Variants in PFKL observed in about 807,000 individuals in gnomAD.
PFKL encodes ATP-dependent 6-phosphofructokinase, liver type.
In PFKL, 74 loss-of-function variants were observed where a neutral mutation model predicts 92.1. The observed-to-expected ratio is 0.80, with a 90% CI of 0.67 to 0.97. The LOEUF (loss-of-function observed/expected upper bound fraction) is 0.97, where lower values mean the gene tolerates loss of function less well. PFKL is among the 50% of genes least tolerant of loss of function. PFKL has a pLI of 0.00. For missense variants in PFKL, 1,028 were observed against 1,116.6 expected (o/e 0.92, Z 1.13); for synonymous variants, 494 against 456.4 (o/e 1.08, Z -1.05).
chr21:44,303,912 C>T (rs997900684), intron 1 of PFKL, among the ~76,000 whole-genome samples: 17 of 152,022 alleles, frequency 1.1e-4, no homozygotes, highest in Admixed American at 5.9e-4. Flanking sequence ...GACTGCTGCC[C>T]GAGGTTTATT....
rs1157102899 is a variant in PFKL at position 44,321,882 on chromosome 21, C to T, written c.1338+7C>T. On this transcript the variant is annotated splice_region_variant and intron_variant, in intron 13 of 21. Transcript: ENST00000349048. The stretch of plus-strand genomic sequence containing the variant: ...AGGCCTAGCCAAGGGTCAGGTGGGT[C>T]CGGCCGGGGCAAACAAGTGAGGACT... 6.6e-7 allele frequency: 1 copy of T among 1,523,676 alleles called. No individual in the cohort carries two copies. The highest frequency in any genetic ancestry group is 8.8e-7 in the Non-Finnish European group (1 of 1,133,506). The allele number at this position is 1,523,676 out of a possible 1,614,324, so 94.4% of individuals were successfully genotyped here. A position where few individuals can be genotyped will look rare whatever the true frequency, so the allele number is the denominator to read the frequency against.
intron 1 of PFKL, among the ~76,000 whole-genome samples, chr21:44,304,842 C>T (rs1276195414): frequency 6.6e-6 from 1 of 151,952 alleles, no homozygotes; most frequent in Non-Finnish European, 1.5e-5. Context: ...GGGTTCCCGC[C>T]CCAGTTTCAG....
intron 18 of PFKL, 34 bp from the exon 19 acceptor site, chr21:44,325,119 T>C (rs1479400022): frequency 2.0e-6 from 3 of 1,465,824 alleles, no homozygotes; most frequent in Non-Finnish European, 2.9e-6. Context: ...CCTGAACTCG[T>C]TCCCGCCGAC....
In PFKL at chr21:44,320,117, C is replaced by T. The variant is rs769132247; in HGVS notation, c.1161C>T (p.Leu387=). Residue 387 remains leucine, a synonymous_variant, in exon 12 of 22, where the codon CTC becomes CTT. Coordinates refer to ENST00000349048, the MANE Select transcript of PFKL (RefSeq NM_002626.6). ...AGAACAACTGGAACATTTACAAGCT[C>T]CTCGCCCACCAGAAGCCCCCCAAGG... ...SFENNWNIYK[L]LAHQKPPKEK... 3.1e-6 allele frequency: 5 copies of T among 1,613,428 alleles called. No individual in the cohort carries two copies. The African/African-American group carries it at 6.7e-5, about 22-fold the overall frequency.
Position 44,324,491 on chromosome 21 carries a change from A to T in PFKL, c.1651A>T (p.Ser551Cys). The stretch of plus-strand genomic sequence containing the variant: ...CCCCCGACCCCCCCTTGTCCCCCAG[A>T]GCTGTGACCGCATCAAACAGTCTGC... ...SDTAVNAAMESCDRIKQSASG... is the reference protein window; with the variant it reads ...SDTAVNAAMECCDRIKQSASG... Residue 551 changes from serine (S) to cysteine (C), a missense_variant and splice_region_variant, in exon 17 of 22, where the codon AGC becomes TGC. Physicochemically the swap from Ser to Cys is moderately radical, Grantham distance 112. Coordinates refer to ENST00000349048, the MANE Select transcript of PFKL (RefSeq NM_002626.6). 1 of 1,612,934 alleles carries T rather than the reference A, an allele frequency of 6.2e-7. No homozygotes were observed. The highest frequency in any genetic ancestry group is 1.7e-5 in the Admixed American group (1 of 59,968).
chr21:44,323,887 G>T lies in PFKL; in HGVS notation c.1619G>T (p.Gly540Val). 6.2e-7 allele frequency: 1 copy of T among 1,613,532 alleles called. No individual in the cohort carries two copies. The highest frequency in any genetic ancestry group is 8.5e-7 in the Non-Finnish European group (1 of 1,179,950). ...GTCCCTGGCACCGACTTCAGCCTGG[G>T]CTCCGACACTGCTGTAAATGCCGCC... The part of the protein sequence containing the change: ...NNVPGTDFSL[G>V]SDTAVNAAME... The change falls in exon 16 of 22, where the codon GGC becomes GTC. Residue 540 changes from glycine to valine, a missense_variant. Physicochemically the swap from Gly to Val is moderately radical, Grantham distance 109. Coordinates refer to ENST00000349048, the MANE Select transcript of PFKL (RefSeq NM_002626.6).
At chr21:44,319,535 A>G in intron 11 of PFKL, 120 bp downstream of exon 11, 3 of 865,252 alleles carry the variant, frequency 3.5e-6, no homozygotes, top group Non-Finnish European at 5.7e-6. Flanking sequence ...ACCGCGTCTG[A>G]AGATCGAGGG....
Position 44,305,328 on chromosome 21 carries a change from A to T in PFKL, c.86-1353A>T. On this transcript the variant is annotated intron_variant, in intron 1 of 21. Transcript: ENST00000349048. ...CCAAGCTGGAGAGCGGATGAGAAGC[A>T]TGTGTAACCAGGGTAGAGGTCGAGA... 2.2e-6 allele frequency: 3 copies of T among 1,365,840 alleles called. No individual in the cohort carries two copies. In the South Asian group the frequency reaches 3.4e-5, roughly 16 times the overall value. The allele number at this position is 1,365,840 out of a possible 1,614,324, so 84.6% of individuals were successfully genotyped here.
In PFKL at chr21:44,326,003, C is replaced by A; in HGVS notation, c.2032C>A (p.Leu678Met). The A allele has an allele frequency of 6.2e-7, 1 of 1,613,880 alleles. No homozygotes were observed. ...TPFDRNYGTK[L>M]GVKAMLWLSE... ...CTTTGACCGGAACTATGGGACCAAGCTGGGGGTGAAGGCCATGCTGTGGTT... is the reference window on the plus strand; with the variant it reads ...CTTTGACCGGAACTATGGGACCAAGATGGGGGTGAAGGCCATGCTGTGGTT... The change falls in exon 20 of 22, where the codon CTG becomes ATG. Residue 678 changes from leucine (L) to methionine (M), a missense_variant. Coordinates refer to ENST00000349048, the MANE Select transcript of PFKL (RefSeq NM_002626.6).
intron 6 of PFKL, 43 bp downstream of exon 6, chr21:44,313,725 C>T (rs1272053769): frequency 6.3e-7 from 1 of 1,579,978 alleles, no homozygotes; most frequent in Admixed American, 1.8e-5. Context: ...CCGGGTGCTG[C>T]TGGGGACCGC....
intron 9 of PFKL, among the ~76,000 whole-genome samples, chr21:44,317,988 G>A (rs1198360598): frequency 1.3e-5 from 2 of 152,268 alleles, no homozygotes; most frequent in South Asian, 2.1e-4. Flanking sequence ...CACTGTGGCC[G>A]GTTCCCGGGG....
chr21:44,326,139 C>T lies in PFKL; in HGVS notation c.2090-20C>T. 6.2e-7 allele frequency: 1 copy of T among 1,609,430 alleles called. No homozygotes were observed. Among genetic ancestry groups the T allele is most frequent in the Non-Finnish European group, 8.5e-7 (1 of 1,177,412 alleles). ...GGCAGGGCCTCACCATGGAGGGCTG[C>T]CACGTGCCTCTGTTTGCAGGACGGG... On this transcript the variant is annotated intron_variant, in intron 20 of 21. Transcript: ENST00000349048.
At chr21:44,304,551 C>T in intron 1 of PFKL, 1 of 1,133,534 alleles carries the variant, frequency 8.8e-7, no homozygotes, top group South Asian at 1.8e-5. Flanking sequence ...GGATCTCCCT[C>T]ACTGCCCCCA....
In PFKL at chr21:44,326,755, C is replaced by T. The variant is rs898405923; in HGVS notation, c.2236C>T (p.Leu746Phe). The stretch of plus-strand genomic sequence containing the variant: ...GGAGCAGTGGTGGCTGAGCCTGCGG[C>T]TCATGCTGAAGATGCTGGCACAATA... ...PREQWWLSLR[L>F]MLKMLAQYRI... The change falls in exon 22 of 22, where the codon CTC (leucine) becomes TTC (phenylalanine). Residue 746 changes from leucine (L) to phenylalanine (F), a missense_variant. By Grantham distance (22) the Leu-to-Phe change is conservative. Transcript: ENST00000349048. 6.2e-7 allele frequency: 1 copy of T among 1,611,504 alleles called. No homozygotes were observed. Among genetic ancestry groups the T allele is most frequent in the Non-Finnish European group, 8.5e-7 (1 of 1,179,446 alleles).
In PFKL at chr21:44,319,604, C is replaced by T. The variant is rs2047307426; in HGVS notation, c.1127+189C>T. 8.2e-6 allele frequency: 5 copies of T among 608,544 alleles called. No homozygotes were observed. The East Asian group carries it at 8.3e-5, about 10-fold the overall frequency. The allele number at this position is 608,544 out of a possible 1,614,324, so 37.7% of individuals were successfully genotyped here. A position where few individuals can be genotyped will look rare whatever the true frequency, so the allele number is the denominator to read the frequency against. On this transcript the variant is annotated intron_variant, in intron 11 of 21. Coordinates refer to ENST00000349048, the MANE Select transcript of PFKL (RefSeq NM_002626.6). ...CTGGGAGGTGTGGTACCACAGGAGA[C>T]CCTGGGCGGTGGCACGGGCAGGGCC... is the stretch of plus-strand genomic sequence containing the variant.
chr21:44,319,269 G>A (rs572563964), intron 10 of PFKL, 82 bp from the exon 11 acceptor site: 22 of 1,248,546 alleles, frequency 1.8e-5, no homozygotes, highest in Middle Eastern at 1.9e-4. Flanking sequence ...ATCTGCCCTC[G>A]TCAGGCCCAC....
rs748192380 is a variant in PFKL at position 44,313,180 on chromosome 21, C to CCT, written c.593+39_593+40dup. The CCT allele has an allele frequency of 7.5e-6, 12 of 1,607,942 alleles. No homozygotes were observed. The East Asian group carries it at 2.5e-4, about 33-fold the overall frequency. ...TGGCGCCGGCGGCCAGCCCAGGGCC[C>CCT]CTCCTCCCCGCACGGTGGTGAGGTG... On this transcript the variant is annotated intron_variant, in intron 5 of 21. Transcript: ENST00000349048.
At chr21:44,306,574 G>T in intron 1 of PFKL, 107 bp from the exon 2 acceptor site, 160 of 773,264 alleles carry the variant, frequency 2.1e-4, no homozygotes, top group Middle Eastern at 3.7e-4. Context: ...CCTCTGAGAT[G>T]GACAGGGTGT....
At chr21:44,310,104 C>G (rs1471873250) in intron 2 of PFKL, among the ~76,000 whole-genome samples, 2 of 152,254 alleles carry the variant, frequency 1.3e-5, no homozygotes, top group Non-Finnish European at 2.9e-5. Context: ...CTGGAGAAGG[C>G]TGCTGATGCC....
Sources: gnomAD v4.1 joint callset for allele counts (sites outside exome capture counted in the v4.1 genomes callset) on GRCh38, gnomAD v4.1.1 for gene constraint, MANE v1.5 for transcripts, NCBI Gene and HGNC (gene_info 2026-07-23, HGNC 2026-07-21) for gene names.